CPN1: variants seen among roughly 807,000 people sequenced by gnomAD.
The protein encoded by CPN1 is carboxypeptidase N subunit 1.
In CPN1, 37 loss-of-function variants were observed where a neutral mutation model predicts 46.4. The observed-to-expected ratio is 0.80, with a 90% confidence interval of 0.61 to 1.05. The LOEUF is 1.05. CPN1 is among the 50% of genes least tolerant of loss of function. The probability of loss-of-function intolerance (pLI) is 0.00; values close to 1 mark genes in which losing one functional copy is unlikely to be tolerated. For synonymous variants in CPN1, 224 were observed against 235.4 expected, an observed-to-expected ratio of 0.95 and a Z score of 0.44; for missense variants, 563 against 602.6, an observed-to-expected ratio of 0.93 and a Z score of 0.69.
intron 8 of CPN1, 48 bp from the exon 9 acceptor site, chr10:100,042,621 T>G (rs746068518): frequency 6.2e-7 from 1 of 1,612,312 alleles, no homozygotes; most frequent in South Asian, 1.1e-5. Flanking sequence ...GACCATCTTT[T>G]GCCATAGTTC....
At chr10:100,059,813 A>C (rs1390434112) in intron 5 of CPN1, among the ~76,000 whole-genome samples, 1 of 151,934 alleles carries the variant, frequency 6.6e-6, no homozygotes, top group Non-Finnish European at 1.5e-5. Flanking sequence ...ACCATTATTC[A>C]CAAAAGCTAA....
rs1204593118 is a variant in CPN1 at position 100,081,480 on chromosome 10, T to C, written c.146A>G (p.Tyr49Cys). ...QNECPGITRVYSIGRSVEGRH... is the reference protein window; with the variant it reads ...QNECPGITRVCSIGRSVEGRH... Reference sequence around the variant, plus strand: ...CCCCTCCACGCTGCGCCCAATGCTGTAGACCCGCGTGATGCCGGGGCATTC... The same window carrying C: ...CCCCTCCACGCTGCGCCCAATGCTGCAGACCCGCGTGATGCCGGGGCATTC... The change falls in exon 1 of 9, where the codon TAC becomes TGC. Residue 49 changes from tyrosine (Y) to cysteine (C), a missense_variant. Coordinates refer to ENST00000370418, the MANE Select transcript of CPN1 (RefSeq NM_001308.3). 1 of 1,613,992 alleles carries C rather than the reference T, an allele frequency of 6.2e-7. No individual in the cohort carries two copies. Among genetic ancestry groups the C allele is most frequent in the African/African-American group, 1.3e-5 (1 of 74,904 alleles).
chr10:100,057,097 C>G lies in CPN1; in HGVS notation c.927G>C (p.Leu309=). The change falls in exon 6 of 9, where the codon CTG becomes CTC. Residue 309 remains leucine, a synonymous_variant. Coordinates refer to ENST00000370418, the MANE Select transcript of CPN1 (RefSeq NM_001308.3). ...HTNCFEITLE[L]SCDKFPPEEE... is the part of the protein sequence containing the mutation. ...CTTCGGGGGGAAACTTGTCGCAACT[C>G]AGTTCCAGCGTGATCTCAAAGCAGT... The G allele has an allele frequency of 1.2e-6, 2 of 1,614,200 alleles. No homozygotes were observed. Among genetic ancestry groups the G allele is most frequent in the Non-Finnish European group, 1.7e-6 (2 of 1,180,028 alleles).
intron 5 of CPN1, among the ~76,000 whole-genome samples, chr10:100,059,745 T>A (rs1054233160): frequency 6.6e-6 from 1 of 152,194 alleles, no homozygotes; most frequent in African/African-American, 2.4e-5. Context: ...TGGGTTTATA[T>A]ATCCAAAAGA....
chr10:100,043,905 T>C (rs1457158354), intron 8 of CPN1, among the ~76,000 whole-genome samples: 1 of 152,118 alleles, frequency 6.6e-6, no homozygotes, highest in East Asian at 1.9e-4. Flanking sequence ...GATGGAAAGA[T>C]ACTTTTCACT....
At chr10:100,050,357 T>C (rs1460953797) in intron 7 of CPN1, among the ~76,000 whole-genome samples, 2 of 125,926 alleles carry the variant, frequency 1.6e-5, no homozygotes, top group Non-Finnish European at 3.4e-5. Flanking sequence ...CTGTCTCAAA[T>C]AGAACAAACA....
At chr10:100,048,735 C>G (rs1157432364) in intron 8 of CPN1, 23 bp downstream of exon 8, 3 of 1,501,440 alleles carry the variant, frequency 2.0e-6, no homozygotes, top group African/African-American at 1.4e-5. Context: ...CTACAGTGCA[C>G]CGTCAAGCTC....
At chr10:100,063,284 C>T (rs1011061765) in intron 5 of CPN1, among the ~76,000 whole-genome samples, 3 of 152,002 alleles carry the variant, frequency 2.0e-5, no homozygotes, top group Non-Finnish European at 4.4e-5. Context: ...CCACACCCGG[C>T]TAATTTTTTC....
chr10:100,068,807 G>A (rs983443750), intron 3 of CPN1, among the ~76,000 whole-genome samples: 2 of 152,172 alleles, frequency 1.3e-5, no homozygotes, highest in Non-Finnish European at 2.9e-5. Context: ...CCAAAGTGCT[G>A]GGATTACAGG....
At chr10:100,050,177 ACCCCC>A (rs553627918) in intron 7 of CPN1, among the ~76,000 whole-genome samples, 2,219 of 151,962 alleles carry the variant, frequency 0.015, 55 homozygotes, top group African/African-American at 0.051. Context: ...ACATGGTGAA[ACCCCC>A]ATCTCTACTA....
At chr10:100,076,326 C>T (rs990908103) in intron 1 of CPN1, among the ~76,000 whole-genome samples, 3 of 152,116 alleles carry the variant, frequency 2.0e-5, no homozygotes, top group African/African-American at 7.2e-5. Context: ...GTATTGAACC[C>T]CCATAGTGTA....
chr10:100,059,307 A>G (rs1423373831), intron 5 of CPN1, among the ~76,000 whole-genome samples: 1 of 152,188 alleles, frequency 6.6e-6, no homozygotes, highest in African/African-American at 2.4e-5. Flanking sequence ...ACAGAGTAAA[A>G]AGGCAACCAT....
Position 100,063,682 on chromosome 10 carries a change from C to A in CPN1, c.803G>T (p.Gly268Val), listed in dbSNP as rs2041435179. 1 of 1,614,088 alleles carries A rather than the reference C, an allele frequency of 6.2e-7. No individual in the cohort carries two copies. Among genetic ancestry groups the A allele is most frequent in the Non-Finnish European group, 8.5e-7 (1 of 1,180,000 alleles). The change falls in exon 5 of 9, where the codon GGT becomes GTT. Residue 268 changes from glycine (G) to valine (V), a missense_variant. Coordinates refer to ENST00000370418, the MANE Select transcript of CPN1 (RefSeq NM_001308.3). ...YSYAHGWMFQ[G>V]WNCGDYFPDG... ...TGGGAAGTAATCTCCGCAGTTCCAA[C>A]CTTGGAACATCCATCCATGTGCATA...
In CPN1 at chr10:100,065,244, G is replaced by T. The variant is rs766161490; in HGVS notation, c.703C>A (p.Arg235=). 24 of 1,614,020 alleles carry T rather than the reference G, an allele frequency of 1.5e-5. No individual in the cohort carries two copies. In the Admixed American group the frequency reaches 2.5e-4, roughly 17 times the overall value. The stretch of plus-strand genomic sequence containing the variant: ...GTGCTGGCGGTGCGGCGGACCCCTC[G>T]GACCCGGTGCTCAAAGGACTTGTCA... The part of the protein sequence containing the change: ...PYDKSFEHRV[R]GVRRTASTPT... Residue 235 remains arginine (R), a synonymous_variant, in exon 4 of 9, where the codon CGA becomes AGA. Coordinates refer to ENST00000370418, the MANE Select transcript of CPN1 (RefSeq NM_001308.3).
At chr10:100,070,896 T>C (rs1210671495) in intron 2 of CPN1, among the ~76,000 whole-genome samples, 1 of 152,252 alleles carries the variant, frequency 6.6e-6, no homozygotes, top group Non-Finnish European at 1.5e-5. Context: ...AATCTAATTT[T>C]AGAACATTTC....
At chr10:100,062,299 G>A (rs2041424132) in intron 5 of CPN1, among the ~76,000 whole-genome samples, 1 of 152,150 alleles carries the variant, frequency 6.6e-6, no homozygotes, top group Non-Finnish European at 1.5e-5. Context: ...AGGCCCAGGG[G>A]ATAGAGACAG....
At chr10:100,080,751 G>A (rs2133451913) in intron 1 of CPN1, among the ~76,000 whole-genome samples, 1 of 152,168 alleles carries the variant, frequency 6.6e-6, no homozygotes, top group Non-Finnish European at 1.5e-5. Flanking sequence ...AAATTAGCCG[G>A]GCGTATTGGT....
rs2041350976 is a variant in CPN1 at position 100,051,244 on chromosome 10, TGAA to T, written c.1112-2371_1112-2369del. ...CAATAAACATTGAGACAAACAATAA[TGAA>T]GAAGTCTTTTTCTGCCCCCTATTAA... On this transcript the variant is annotated intron_variant, in intron 7 of 8. Transcript: ENST00000370418. Among the ~76,000 whole-genome samples, 3 of 152,320 alleles carry T rather than the reference TGAA, an allele frequency of 2.0e-5. No individual in the cohort carries two copies. The South Asian group carries it at 6.2e-4, about 32-fold the overall frequency.
intron 3 of CPN1, 108 bp downstream of exon 3, chr10:100,069,606 A>G (rs2041473014): frequency 1.5e-6 from 2 of 1,293,644 alleles, no homozygotes; most frequent in East Asian, 4.6e-5. Flanking sequence ...AGTTGAGTTG[A>G]TGCTTAATTC....
Sources: gnomAD v4.1 joint callset for allele counts (sites outside exome capture counted in the v4.1 genomes callset) on GRCh38, gnomAD v4.1.1 for gene constraint, MANE v1.5 for transcripts, NCBI Gene and HGNC (gene_info 2026-07-23, HGNC 2026-07-21) for gene names.